The following ACVR1 variants were observed in gnomAD, a reference collection of about 807,000 sequenced individuals.
ACVR1 encodes activin A receptor type 1, also known as activin receptor type-1.
In ACVR1, 38 loss-of-function variants were observed where a neutral mutation model predicts 57.1. That is an observed-to-expected ratio of 0.67 (90% confidence interval 0.51 to 0.87). The LOEUF (loss-of-function observed/expected upper bound fraction) is 0.87, where lower values mean the gene tolerates loss of function less well. Among genes scored for constraint, ACVR1 ranks in the 40% least tolerant of loss-of-function variants. The probability of loss-of-function intolerance (pLI) is 0.00; values close to 1 mark genes in which losing one functional copy is unlikely to be tolerated. For synonymous variants in ACVR1, 212 were observed against 228.1 expected (o/e 0.93, Z 0.63); for missense variants, 463 against 638.2 (o/e 0.73, Z 2.96).
At chr2:157,747,990 A>G (rs1213464401) in intron 9 of ACVR1, among the ~76,000 whole-genome samples, 5 of 152,230 alleles carry the variant, frequency 3.3e-5, no homozygotes, top group African/African-American at 1.2e-4. Context: ...GGGAGAGATC[A>G]ATAAATTAGA....
Position 157,811,093 on chromosome 2 carries a change from T to C in ACVR1, c.-8+7292A>G, listed in dbSNP as rs116699717. Among the ~76,000 whole-genome samples, 226 of 152,346 alleles carry C rather than the reference T, an allele frequency of 1.5e-3. 1 individual carries two copies. The highest frequency in any genetic ancestry group is 5.2e-3 in the African/African-American group (217 of 41,588). ...ACTGATTATGTAGGATGTGGTGTTG[T>C]GACCACCTTCTTCCCTTGGCTTCCT... is the stretch of plus-strand genomic sequence containing the variant. On this transcript the variant is annotated intron_variant, in intron 2 of 10. Coordinates refer to ENST00000434821, the MANE Select transcript of ACVR1 (RefSeq NM_001111067.4).
intron 9 of ACVR1, among the ~76,000 whole-genome samples, chr2:157,747,665 T>C (rs1685023825): frequency 1.3e-5 from 2 of 151,724 alleles, no homozygotes; most frequent in South Asian, 4.2e-4. Context: ...TTTGGGAGAG[T>C]AATAATTAAA....
chr2:157,824,451 G>A (rs1276646189), intron 1 of ACVR1, among the ~76,000 whole-genome samples: 2 of 152,172 alleles, frequency 1.3e-5, no homozygotes, highest in Non-Finnish European at 2.9e-5. Flanking sequence ...CTGGGCAACA[G>A]AGCAAGATCC....
intron 2 of ACVR1, among the ~76,000 whole-genome samples, chr2:157,807,793 C>A (rs1687604200): frequency 7.4e-6 from 1 of 134,606 alleles, no homozygotes; most frequent in Admixed American, 9.2e-5. Flanking sequence ...GTGTTAGAAG[C>A]ACTGCTCATC....
chr2:157,854,440 C>T (rs949383628), intron 1 of ACVR1, among the ~76,000 whole-genome samples: 5 of 152,118 alleles, frequency 3.3e-5, no homozygotes, highest in African/African-American at 4.8e-5. Flanking sequence ...AAGAGTGTAT[C>T]GGCCGGGTGC....
At chr2:157,764,240 T>C (rs924701873) in intron 8 of ACVR1, among the ~76,000 whole-genome samples, 5 of 152,098 alleles carry the variant, frequency 3.3e-5, no homozygotes, top group Admixed American at 2.6e-4. Flanking sequence ...TGGAGTGCAA[T>C]AGCGCGACCT....
At chr2:157,826,139 C>A (rs1483899587) in intron 1 of ACVR1, among the ~76,000 whole-genome samples, 2 of 152,152 alleles carry the variant, frequency 1.3e-5, no homozygotes, top group Non-Finnish European at 2.9e-5. Context: ...AGACTGCCAC[C>A]CACCAGGCCA....
At chr2:157,802,251 G>A (rs1272621505) in intron 2 of ACVR1, among the ~76,000 whole-genome samples, 4 of 152,094 alleles carry the variant, frequency 2.6e-5, no homozygotes, top group Non-Finnish European at 4.4e-5. Flanking sequence ...TAATATTTAA[G>A]GGAAAAGGCA....
chr2:157,800,490 A>T lies in ACVR1; in HGVS notation c.-7-990T>A, dbSNP rs1050033781. Among the ~76,000 whole-genome samples, 91 of 14,876 alleles carry T rather than the reference A, an allele frequency of 6.1e-3. No homozygotes were observed. In the East Asian group the frequency reaches 0.13, roughly 21 times the overall value. The allele number at this position is 14,876 out of a possible 152,430, so 9.8% of individuals were successfully genotyped here. ...TTGTTTTTAATTATTTTTAAAATTA[A>T]AAAAAAATCAATTTTTTTGGCTGGC... On this transcript the variant is annotated intron_variant, in intron 2 of 10. Transcript: ENST00000434821.
chr2:157,869,590 T>C (rs1690050963), intron 1 of ACVR1, among the ~76,000 whole-genome samples: 1 of 152,252 alleles, frequency 6.6e-6, no homozygotes, highest in Non-Finnish European at 1.5e-5. Context: ...TATGTGTTTG[T>C]GTGTGTACCA....
At chr2:157,794,659 G>GT (rs1470495199) in intron 3 of ACVR1, among the ~76,000 whole-genome samples, 4 of 152,140 alleles carry the variant, frequency 2.6e-5, no homozygotes, top group African/African-American at 9.7e-5. Context: ...CAAAAACAAT[G>GT]TATCTTATGA....
rs1686298932 is a variant in ACVR1 at position 157,776,629 on chromosome 2, G to C, written c.543+1502C>G. 4.6e-5 allele frequency among the ~76,000 whole-genome samples: 7 copies of C among 152,180 alleles called. No individual in the cohort carries two copies. The South Asian group carries it at 1.4e-3, about 31-fold the overall frequency. ...CAAAAAGTGGCCCAGTGATGGATGG[G>C]GCAGGCAGTAGAATGGGATGTTTCC... On this transcript the variant is annotated intron_variant, in intron 5 of 10. Coordinates refer to ENST00000434821, the MANE Select transcript of ACVR1 (RefSeq NM_001111067.4).
At chr2:157,832,091 G>T (rs954046358) in intron 1 of ACVR1, among the ~76,000 whole-genome samples, 6 of 152,104 alleles carry the variant, frequency 3.9e-5, no homozygotes, top group African/African-American at 1.4e-4. Flanking sequence ...TTTGTGAAAA[G>T]AGCAAAAGCT....
chr2:157,833,615 C>A (rs1357577445), intron 1 of ACVR1, among the ~76,000 whole-genome samples: 1 of 151,658 alleles, frequency 6.6e-6, no homozygotes, highest in African/African-American at 2.4e-5. Flanking sequence ...TTCACACTGT[C>A]AACAATTACA....
chr2:157,802,528 T>C (rs1191924437), intron 2 of ACVR1, among the ~76,000 whole-genome samples: 1 of 152,048 alleles, frequency 6.6e-6, no homozygotes. Context: ...TACCCATTAT[T>C]ATCACCCCCA....
At chr2:157,813,481 G>A in intron 2 of ACVR1, among the ~76,000 whole-genome samples, 1 of 152,172 alleles carries the variant, frequency 6.6e-6, no homozygotes, top group East Asian at 1.9e-4. Flanking sequence ...GCGGCTAGAT[G>A]TACCCATATA....
At chr2:157,776,813 A>T (rs1686306356) in intron 5 of ACVR1, among the ~76,000 whole-genome samples, 1 of 152,264 alleles carries the variant, frequency 6.6e-6, no homozygotes, top group African/African-American at 2.4e-5. Flanking sequence ...CTGCAGAACT[A>T]TCAGACACTT....
At chr2:157,855,339 C>A (rs1349642072) in intron 1 of ACVR1, among the ~76,000 whole-genome samples, 2 of 125,150 alleles carry the variant, frequency 1.6e-5, no homozygotes, top group African/African-American at 6.8e-5. Context: ...CACACACACA[C>A]ACACACAAAA....
chr2:157,745,497 A>G (rs1490367239), intron 9 of ACVR1, among the ~76,000 whole-genome samples: 2 of 152,224 alleles, frequency 1.3e-5, no homozygotes, highest in Non-Finnish European at 2.9e-5. Context: ...ACAGCAGCCA[A>G]TAAAGTTTTG....
Sources: gnomAD v4.1 joint callset for allele counts (sites outside exome capture counted in the v4.1 genomes callset) on GRCh38, gnomAD v4.1.1 for gene constraint, MANE v1.5 for transcripts, NCBI Gene and HGNC (gene_info 2026-07-23, HGNC 2026-07-21) for gene names.